EFTUD2: variants seen among roughly 807,000 people sequenced by gnomAD.
EFTUD2 encodes the protein elongation factor Tu GTP binding domain containing 2, also known as 116 kDa U5 small nuclear ribonucleoprotein component.
In EFTUD2, 9 loss-of-function variants were observed where a neutral mutation model predicts 114.3. The observed-to-expected ratio is 0.08, with a 90% CI of 0.05 to 0.14. EFTUD2 has a LOEUF of 0.14. EFTUD2 is among the 10% of genes least tolerant of loss of function. EFTUD2 has a pLI of 1.00. For synonymous variants in EFTUD2, 449 were observed against 462.3 expected (o/e 0.97, Z 0.37); for missense variants, 765 against 1,241.2 (o/e 0.62, Z 5.76).
chr17:44,854,416 GGGA>G lies in EFTUD2; in HGVS notation c.2260-63_2260-61del, dbSNP rs148466922. ...CCTGGCAACGGCTGAAGCATTTAGA[GGGA>G]GAAGACAGATGTGCCTGTAAGGGGA... On this transcript the variant is annotated intron_variant, in intron 22 of 27. Transcript: ENST00000426333. The surrounding 1 kb of genome is among the most constrained non-coding windows in gnomAD (Gnocchi z 4.3). 5.6e-3 allele frequency: 8,914 copies of G among 1,590,274 alleles called. 377 individuals carry two copies. In the African/African-American group the frequency reaches 0.097, roughly 17 times the overall value.
chr17:44,894,658 C>T, intron 1 of EFTUD2, 133 bp from the exon 2 acceptor site: 1 of 666,738 alleles, frequency 1.5e-6, no homozygotes, highest in Non-Finnish European at 2.7e-6. Flanking sequence ...GTGACATCAA[C>T]CTACTGAATG....
intron 15 of EFTUD2, chr17:44,863,294 T>C (rs1488390531): frequency 4.0e-6 from 1 of 249,022 alleles, no homozygotes; most frequent in Non-Finnish European, 7.7e-6. Context: ...AAAGATGTTT[T>C]TAAAAGCCAG....
At chr17:44,881,490 A>G (rs1298628528) in intron 7 of EFTUD2, among the ~76,000 whole-genome samples, 197 bp downstream of exon 7, 1 of 152,264 alleles carries the variant, frequency 6.6e-6, no homozygotes, top group Non-Finnish European at 1.5e-5. Context: ...CCTAACCTAC[A>G]GCTTGCCTAC....
At chr17:44,879,668 C>T (rs755880344) in intron 8 of EFTUD2, 30 bp from the exon 9 acceptor site, 26 of 1,609,330 alleles carry the variant, frequency 1.6e-5, no homozygotes, top group Non-Finnish European at 2.1e-5. Flanking sequence ...TAAGTCATCA[C>T]TTGGTGCAGG....
At chr17:44,880,895 C>A (rs1371687419) in intron 7 of EFTUD2, among the ~76,000 whole-genome samples, 2 of 152,132 alleles carry the variant, frequency 1.3e-5, no homozygotes, top group Non-Finnish European at 2.9e-5. Flanking sequence ...TAAGCCTTAT[C>A]AGAGAATCCA....
chr17:44,892,757 C>T (rs1265752745), intron 2 of EFTUD2, among the ~76,000 whole-genome samples: 1 of 151,012 alleles, frequency 6.6e-6, no homozygotes, highest in Admixed American at 6.6e-5. Flanking sequence ...CCTGCCTCAG[C>T]CTCCTGAGTA....
intron 23 of EFTUD2, 34 bp from the exon 24 acceptor site, chr17:44,853,669 G>A (rs773903341): frequency 6.2e-7 from 1 of 1,610,184 alleles, no homozygotes; most frequent in East Asian, 2.2e-5. Flanking sequence ...ACTGGGGAGA[G>A]GTTCTGGGCC....
chr17:44,860,385 G>C, intron 17 of EFTUD2, 47 bp downstream of exon 17: 2 of 1,318,756 alleles, frequency 1.5e-6, no homozygotes, highest in Non-Finnish European at 2.2e-6. Flanking sequence ...GTGTCCCTGG[G>C]ACCATCTAGC....
chr17:44,885,949 C>CTTT, intron 3 of EFTUD2, among the ~76,000 whole-genome samples: 1 of 151,876 alleles, frequency 6.6e-6, no homozygotes, highest in African/African-American at 2.4e-5. Context: ...ATTAAATGGA[C>CTTT]AATAAGGCTG....
chr17:44,869,906 T>C (rs965150309), intron 11 of EFTUD2, among the ~76,000 whole-genome samples: 3 of 152,232 alleles, frequency 2.0e-5, no homozygotes, highest in African/African-American at 7.2e-5. Flanking sequence ...ATGAAGTTTA[T>C]AGAAGTCCGA....
In EFTUD2 at chr17:44,863,768, A is replaced by T. The variant is rs757311324; in HGVS notation, c.1300T>A (p.Cys434Ser). Residue 434 changes from cysteine (C) to serine (S), a missense_variant, in exon 15 of 28, where the codon TGT becomes AGT. Cys to Ser is a moderately radical substitution (Grantham distance 112). Transcript: ENST00000426333. ...TTTGGAGAAGGGATATGCTGCACAC[A>T]CATGTCCACAAAGCCTGTGGATGGA... is the stretch of plus-strand genomic sequence containing the variant. The part of the protein sequence containing the change: ...FGEFTGFVDM[C>S]VQHIPSPKVG... 1.9e-6 allele frequency: 3 copies of T among 1,614,136 alleles called. No individual in the cohort carries two copies. Among genetic ancestry groups the T allele is most frequent in the East Asian group, 4.5e-5 (2 of 44,886 alleles).
intron 2 of EFTUD2, among the ~76,000 whole-genome samples, chr17:44,889,507 T>C (rs978824659): frequency 1.3e-4 from 20 of 152,108 alleles, no homozygotes; most frequent in African/African-American, 4.3e-4. Flanking sequence ...GAGGGCAGAA[T>C]TGCCAAAGGT....
chr17:44,856,374 CA>C (rs1445991381), intron 20 of EFTUD2, among the ~76,000 whole-genome samples: 5 of 151,300 alleles, frequency 3.3e-5, no homozygotes, highest in African/African-American at 9.7e-5. Flanking sequence ...ACTAAAAATA[CA>C]AAAAATTAGC....
chr17:44,860,282 T>C, intron 17 of EFTUD2, 150 bp downstream of exon 17: 1 of 746,382 alleles, frequency 1.3e-6, no homozygotes, highest in Non-Finnish European at 2.3e-6. Flanking sequence ...CTGAACTGAG[T>C]ACAGGGAGAA....
rs753970025 is a variant in EFTUD2 at position 44,881,696 on chromosome 17, T to G, written c.519A>C (p.Thr173=). 5.6e-6 allele frequency: 9 copies of G among 1,614,096 alleles called. No individual in the cohort carries two copies. Among genetic ancestry groups the G allele is most frequent in the Non-Finnish European group, 7.6e-6 (9 of 1,180,030 alleles). The part of the protein sequence containing the change: ...QDLCYTDILF[T]EQERGVGIKS... Reference sequence around the variant, plus strand: ...CCCAAGGCATGCTTACCTCTTGCTCTGTGAAGAGGATGTCAGTATAGCACA... The same window carrying G: ...CCCAAGGCATGCTTACCTCTTGCTCGGTGAAGAGGATGTCAGTATAGCACA... Residue 173 remains threonine (T), a synonymous_variant, in exon 7 of 28, where the codon ACA becomes ACC. Coordinates refer to ENST00000426333, the MANE Select transcript of EFTUD2 (RefSeq NM_004247.4).
At chr17:44,859,533 C>G in intron 18 of EFTUD2, 1 of 499,618 alleles carries the variant, frequency 2.0e-6, no homozygotes, top group African/African-American at 1.9e-5. Context: ...GTACAAGGAT[C>G]AGAGTAACAA....
chr17:44,879,492 A>G, intron 9 of EFTUD2, 64 bp downstream of exon 9: 1 of 1,527,188 alleles, frequency 6.5e-7, no homozygotes, highest in Non-Finnish European at 9.1e-7. Flanking sequence ...TGCTCTGGGT[A>G]TTGTTGCGGG....
At position 44,894,082 on chromosome 17, in the gene EFTUD2, G is replaced by A. The variant is rs55989838; in HGVS notation, c.105+335C>T. The A allele has an allele frequency of 5.3e-3, 945 of 179,818 alleles. 8 individuals are homozygous for A. The highest frequency in any genetic ancestry group is 0.022 in the African/African-American group (843 of 38,602). The allele number at this position is 179,818 out of a possible 1,614,324, so 11.1% of individuals were successfully genotyped here. On this transcript the variant is annotated intron_variant, in intron 2 of 27. Coordinates refer to ENST00000426333, the MANE Select transcript of EFTUD2 (RefSeq NM_004247.4). ...GAGACTGTCTCAAAAAAAAAAAAAAGAAAAAAGAGGGGGCTGGGCATGGTG... is the reference window on the plus strand; with the variant it reads ...GAGACTGTCTCAAAAAAAAAAAAAAAAAAAAAGAGGGGGCTGGGCATGGTG...
chr17:44,878,592 C>A (rs1324092126), intron 9 of EFTUD2, among the ~76,000 whole-genome samples: 5 of 152,324 alleles, frequency 3.3e-5, no homozygotes, highest in African/African-American at 1.2e-4. Flanking sequence ...ACTGTGGTTA[C>A]ATAGGTGAAT....
Sources: gnomAD v4.1 joint callset for allele counts (sites outside exome capture counted in the v4.1 genomes callset) on GRCh38, gnomAD v4.1.1 for gene constraint, Gnocchi (gnomAD v3.1) non-coding constraint, MANE v1.5 for transcripts, NCBI Gene and HGNC (gene_info 2026-07-23, HGNC 2026-07-21) for gene names.